CDH13: variants seen among roughly 807,000 people sequenced by gnomAD.
The protein encoded by CDH13 is cadherin 13.
A neutral mutation model predicts 63.8 loss-of-function variants in CDH13; 24 were observed. The ratio of observed to expected loss-of-function variants is 0.38; its 90% CI spans 0.27 to 0.53. The LOEUF is 0.53. Ranked by LOEUF, CDH13 falls within the 20% of genes least tolerant of loss-of-function variation. The probability of loss-of-function intolerance (pLI) is 0.85; values close to 1 mark genes in which losing one functional copy is unlikely to be tolerated. For synonymous variants in CDH13, 503 were observed against 355.3 expected (o/e 1.42, Z -4.67); for missense variants, 1,049 against 903.1 (o/e 1.16, Z -2.07).
chr16:83,618,576 C>T (rs1909510310), intron 8 of CDH13, among the ~76,000 whole-genome samples: 1 of 152,090 alleles, frequency 6.6e-6, no homozygotes, highest in African/African-American at 2.4e-5. Context: ...CAGGCTCCAG[C>T]CCTGCACTAA....
intron 6 of CDH13, among the ~76,000 whole-genome samples, chr16:83,353,616 C>T (rs1287317710): frequency 6.6e-6 from 1 of 152,252 alleles, no homozygotes; most frequent in Non-Finnish European, 1.5e-5. Flanking sequence ...CTCTCTCCCC[C>T]TAAATTCACA....
chr16:83,143,036 G>A (rs1451284522), intron 4 of CDH13, among the ~76,000 whole-genome samples: 2 of 152,124 alleles, frequency 1.3e-5, no homozygotes, highest in Non-Finnish European at 2.9e-5. Flanking sequence ...CCCGGGAGGC[G>A]GAGGTTGCCA....
intron 1 of CDH13, among the ~76,000 whole-genome samples, chr16:82,707,368 T>A (rs2031576177): frequency 6.6e-6 from 1 of 152,064 alleles, no homozygotes; most frequent in African/African-American, 2.4e-5. Context: ...TAACAACAGG[T>A]GCAATACAGG....
At chr16:83,702,120 C>T (rs1906331273) in intron 10 of CDH13, among the ~76,000 whole-genome samples, 1 of 152,158 alleles carries the variant, frequency 6.6e-6, no homozygotes, top group Non-Finnish European at 1.5e-5. Flanking sequence ...ATACCTTGTG[C>T]TAAGAACCTT....
intron 6 of CDH13, among the ~76,000 whole-genome samples, chr16:83,403,485 T>C (rs2091998665): frequency 6.6e-6 from 1 of 152,034 alleles, no homozygotes; most frequent in African/African-American, 2.4e-5. Context: ...TAGCCAGGTG[T>C]GGTCGCGCGC....
chr16:83,361,743 G>C (rs569362944), intron 6 of CDH13, among the ~76,000 whole-genome samples: 1 of 152,058 alleles, frequency 6.6e-6, no homozygotes, highest in Non-Finnish European at 1.5e-5. Context: ...CTATAGGTGT[G>C]CAGCTTTACT....
chr16:83,046,763 C>G (rs1317285657), intron 3 of CDH13, among the ~76,000 whole-genome samples: 1 of 152,158 alleles, frequency 6.6e-6, no homozygotes, highest in East Asian at 1.9e-4. Flanking sequence ...AGTGAGGCTG[C>G]CTTCAGTTGG....
intron 1 of CDH13, among the ~76,000 whole-genome samples, chr16:82,728,381 A>G (rs1023371995): frequency 1.3e-5 from 2 of 152,048 alleles, no homozygotes; most frequent in East Asian, 3.8e-4. Flanking sequence ...CACCTCAGAG[A>G]TATTGCAGGT....
intron 5 of CDH13, among the ~76,000 whole-genome samples, chr16:83,220,145 T>C (rs774318927): frequency 2.6e-5 from 4 of 152,248 alleles, no homozygotes; most frequent in Non-Finnish European, 4.4e-5. Flanking sequence ...CCGTGCTTCA[T>C]GCACTTCAGT....
intron 7 of CDH13, among the ~76,000 whole-genome samples, chr16:83,562,234 C>G (rs984979565): frequency 6.6e-6 from 1 of 152,056 alleles, no homozygotes; most frequent in African/African-American, 2.4e-5. Flanking sequence ...CTGGATAGGG[C>G]AATCAAATTC....
chr16:83,022,673 G>C (rs1273925402), intron 2 of CDH13, among the ~76,000 whole-genome samples: 1 of 152,164 alleles, frequency 6.6e-6, no homozygotes, highest in Non-Finnish European at 1.5e-5. Flanking sequence ...GACTGATTCA[G>C]AGCCTGTAAT....
chr16:82,627,515 A>G (rs933468576), intron 1 of CDH13, among the ~76,000 whole-genome samples: 2 of 150,964 alleles, frequency 1.3e-5, no homozygotes, highest in East Asian at 1.9e-4. Flanking sequence ...AGACTCAGTT[A>G]GAGGCGACTC....
chr16:83,033,225 G>T (rs542868777), intron 3 of CDH13, among the ~76,000 whole-genome samples: 3 of 151,934 alleles, frequency 2.0e-5, no homozygotes, highest in South Asian at 2.1e-4. Context: ...GTTTTGTTTT[G>T]TTTCCCATTG....
At chr16:82,955,550 TA>T (rs2151330341) in intron 2 of CDH13, among the ~76,000 whole-genome samples, 1 of 152,296 alleles carries the variant, frequency 6.6e-6, no homozygotes, top group South Asian at 2.1e-4. Context: ...AGCCAGATTT[TA>T]AAGCATATAC....
At chr16:83,121,591 T>C (rs1417997418) in intron 3 of CDH13, among the ~76,000 whole-genome samples, 1 of 152,206 alleles carries the variant, frequency 6.6e-6, no homozygotes, top group East Asian at 1.9e-4. Flanking sequence ...GCCTTATTGG[T>C]CATAGCCTAG....
At chr16:82,990,411 C>T (rs904628780) in intron 2 of CDH13, 1 of 152,174 alleles carries the variant, frequency 6.6e-6, no homozygotes, top group African/African-American at 2.4e-5. Flanking sequence ...AGGTACAGCC[C>T]ATCTTGTGAT....
At chr16:82,722,816 A>C (rs1364049961) in intron 1 of CDH13, among the ~76,000 whole-genome samples, 1 of 152,148 alleles carries the variant, frequency 6.6e-6, no homozygotes, top group East Asian at 1.9e-4. Flanking sequence ...CATACATATA[A>C]GCCTTTTTCA....
chr16:82,799,313 T>C (rs1272421739), intron 1 of CDH13, among the ~76,000 whole-genome samples: 1 of 152,228 alleles, frequency 6.6e-6, no homozygotes, highest in East Asian at 1.9e-4. Context: ...AAATATTGTA[T>C]ACAGCCCAAA....
intron 9 of CDH13, among the ~76,000 whole-genome samples, chr16:83,671,664 C>T (rs756827539): frequency 2.0e-5 from 3 of 152,160 alleles, no homozygotes; most frequent in African/African-American, 4.8e-5. Context: ...ACGTGGGCTA[C>T]GACATGACTT....
Sources: allele counts gnomAD v4.1 joint callset (sites outside exome capture counted in the v4.1 genomes callset), GRCh38; gene constraint gnomAD v4.1.1; transcripts MANE v1.5; gene names NCBI Gene and HGNC (gene_info 2026-07-23, HGNC 2026-07-21).